The following GLYATL2 variants were observed in gnomAD, a reference collection of about 807,000 sequenced individuals.
GLYATL2 encodes glycine N-acyltransferase-like protein 2.
Under a neutral mutation model 21.4 loss-of-function variants are expected in GLYATL2, and 25 were observed. The ratio of observed to expected loss-of-function variants is 1.17; its 90% CI spans 0.85 to 1.63. GLYATL2 has a LOEUF of 1.63. Among genes scored for constraint, GLYATL2 ranks in the 40% most tolerant of loss-of-function variants. GLYATL2 has a pLI of 0.00. For synonymous variants in GLYATL2, 114 were observed against 118.2 expected (o/e 0.96, Z 0.23); for missense variants, 361 against 343.3 (o/e 1.05, Z -0.41).
intron 1 of GLYATL2, among the ~76,000 whole-genome samples, chr11:58,856,854 T>G (rs569952051): frequency 2.0e-5 from 3 of 152,330 alleles, no homozygotes; most frequent in African/African-American, 7.2e-5. Flanking sequence ...TGGGAATGAC[T>G]AAAATGTAAT....
chr11:58,872,870 T>C (rs1245945661), intron 1 of GLYATL2, among the ~76,000 whole-genome samples: 1 of 152,228 alleles, frequency 6.6e-6, no homozygotes, highest in African/African-American at 2.4e-5. Context: ...ATAAATTACC[T>C]TGGGCAGTAC....
chr11:58,874,129 A>G (rs989746428), intron 1 of GLYATL2, among the ~76,000 whole-genome samples: 64 of 151,892 alleles, frequency 4.2e-4, no homozygotes, highest in African/African-American at 1.5e-3. Context: ...ATCGGTGGTG[A>G]TATCTATCCC....
intron 1 of GLYATL2, among the ~76,000 whole-genome samples, chr11:58,877,608 G>A (rs1341362133): frequency 6.6e-6 from 1 of 152,214 alleles, no homozygotes; most frequent in East Asian, 1.9e-4. Flanking sequence ...CCAAGAGAGT[G>A]TGCTGTCTTG....
intron 1 of GLYATL2, among the ~76,000 whole-genome samples, chr11:58,850,747 T>A (rs1853726752): frequency 6.6e-6 from 1 of 151,060 alleles, no homozygotes; most frequent in African/African-American, 2.4e-5. Flanking sequence ...GGAAAGGGAG[T>A]CTCCCTTTCC....
At chr11:58,869,856 C>T (rs1265916793) in intron 1 of GLYATL2, among the ~76,000 whole-genome samples, 2 of 152,062 alleles carry the variant, frequency 1.3e-5, no homozygotes, top group African/African-American at 2.4e-5. Context: ...TTTAAGGTAC[C>T]AGAGTTTAGC....
chr11:58,906,232 C>G (rs1054062508), upstream of GLYATL2, among the ~76,000 whole-genome samples: 2 of 152,004 alleles, frequency 1.3e-5, no homozygotes, highest in African/African-American at 4.8e-5. Context: ...GGGCCCCGCC[C>G]GTTGTGGTAA....
At chr11:58,881,167 T>G (rs769766234) in intron 1 of GLYATL2, among the ~76,000 whole-genome samples, 7 of 152,246 alleles carry the variant, frequency 4.6e-5, no homozygotes, top group African/African-American at 9.6e-5. Flanking sequence ...ATGCCAGGTA[T>G]GCATTTCATA....
intron 1 of GLYATL2, among the ~76,000 whole-genome samples, chr11:58,891,542 T>A (rs181530005): frequency 3.3e-4 from 50 of 152,298 alleles, no homozygotes; most frequent in Non-Finnish European, 1.8e-4. Context: ...GATGGACAGA[T>A]CCCATCACAC....
intron 1 of GLYATL2, among the ~76,000 whole-genome samples, chr11:58,889,113 T>C (rs2134619846): frequency 6.6e-6 from 1 of 152,152 alleles, no homozygotes; most frequent in Non-Finnish European, 1.5e-5. Context: ...CCATTAAGTT[T>C]ACCCTTAAGT....
At chr11:58,840,130 A>G (rs1853518997) in intron 1 of GLYATL2, among the ~76,000 whole-genome samples, 1 of 152,170 alleles carries the variant, frequency 6.6e-6, no homozygotes, top group Non-Finnish European at 1.5e-5. Context: ...TGCAGACTAT[A>G]TTGTGTGTAG....
chr11:58,834,278 G>T lies in GLYATL2; in HGVS notation c.*151C>A. On this transcript the variant is annotated 3_prime_UTR_variant, in exon 6 of 6. Coordinates refer to ENST00000287275, the MANE Select transcript of GLYATL2 (RefSeq NM_145016.4). ...TAATTTTCTGTAAGAATACAGAGGA[G>T]AAGGAAGGTAAAACTGTTAAGGGTG... 1 of 539,982 alleles carries T rather than the reference G, an allele frequency of 1.9e-6. No individual in the cohort carries two copies. The highest frequency in any genetic ancestry group is 3.1e-6 in the Non-Finnish European group (1 of 323,632). 33.4% of individuals were successfully genotyped at this position (539,982 alleles called of 1,614,324 possible).
rs560588866 is a variant in GLYATL2 at position 58,902,357 on chromosome 11, A to G, written n.60+1799T>C. On this transcript the variant is annotated intron_variant and non_coding_transcript_variant, in intron 1 of 4. Transcript: ENST00000533636. ...TCCTTCCTGCCACTTCTGCCATTGT[A>G]CATCCAGACAGTTCCACTCTTTTCT... Among the ~76,000 whole-genome samples the G allele has an allele frequency of 2.6e-5, 4 of 152,292 alleles. No individual in the cohort carries two copies. The East Asian group carries it at 7.7e-4, about 29-fold the overall frequency.
intron 1 of GLYATL2, among the ~76,000 whole-genome samples, chr11:58,894,661 T>C (rs1373230737): frequency 6.6e-6 from 1 of 152,150 alleles, no homozygotes; most frequent in African/African-American, 2.4e-5. Context: ...GATTTTAAAG[T>C]GTGCAGTTCC....
chr11:58,907,381 T>G (rs1473843704), upstream of GLYATL2: 3 of 456,198 alleles, frequency 6.6e-6, no homozygotes, highest in Non-Finnish European at 1.3e-5. Flanking sequence ...GGTAGTCTGC[T>G]GGAGTGGAAT....
chr11:58,869,462 G>A (rs150595162), intron 1 of GLYATL2, among the ~76,000 whole-genome samples: 80 of 152,194 alleles, frequency 5.3e-4, no homozygotes, highest in African/African-American at 1.9e-3. Context: ...CAAAATTTTG[G>A]TTCACAGCCT....
chr11:58,839,630 C>G lies in GLYATL2; in HGVS notation c.-18G>C. ...ACAAGCATCTTATGTAGCACTTCAG[C>G]TTCTTTCCCTCAAGAAGATGATCTA... On this transcript the variant is annotated 5_prime_UTR_variant, in exon 2 of 6. Coordinates refer to ENST00000287275, the MANE Select transcript of GLYATL2 (RefSeq NM_145016.4). 6.3e-7 allele frequency: 1 copy of G among 1,580,730 alleles called. No individual in the cohort carries two copies. Among genetic ancestry groups the G allele is most frequent in the Non-Finnish European group, 8.7e-7 (1 of 1,154,672 alleles).
rs75854560 is a variant in GLYATL2, at chr11:58,899,545, G to A, written n.60+4611C>T. Among the ~76,000 whole-genome samples the A allele has an allele frequency of 7.6e-4, 115 of 152,210 alleles. 2 individuals are homozygous for A. Among genetic ancestry groups the A allele is most frequent in the East Asian group, 7.5e-3 (39 of 5,188 alleles). ...AAATAGGAAAAGAGGCCTCAGATAC[G>A]AGCAGACAAAAAGGAGAGGAAACAG... On this transcript the variant is annotated intron_variant and non_coding_transcript_variant, in intron 1 of 4. Transcript: ENST00000533636.
At chr11:58,882,579 A>C (rs1854359943) in intron 1 of GLYATL2, among the ~76,000 whole-genome samples, 2 of 152,094 alleles carry the variant, frequency 1.3e-5, no homozygotes, top group Non-Finnish European at 2.9e-5. Flanking sequence ...GAAGCTCTTT[A>C]GTTTAATAAG....
intron 1 of GLYATL2, among the ~76,000 whole-genome samples, chr11:58,899,870 A>C (rs139970210): frequency 2.1e-3 from 321 of 152,364 alleles, no homozygotes; most frequent in Middle Eastern, 0.01. Flanking sequence ...TTTGTTAAAA[A>C]TTTGGTATGT....
Sources: gnomAD v4.1 joint callset for allele counts (sites outside exome capture counted in the v4.1 genomes callset) on GRCh38, gnomAD v4.1.1 for gene constraint, MANE v1.5 for transcripts, NCBI Gene and HGNC (gene_info 2026-07-23, HGNC 2026-07-21) for gene names.